POLR2B: variants seen among roughly 807,000 people sequenced by gnomAD.
POLR2B encodes RNA polymerase II subunit B.
Under a neutral mutation model 144.6 loss-of-function variants are expected in POLR2B, and 57 were observed. The ratio of observed to expected loss-of-function variants is 0.39; its 90% CI spans 0.32 to 0.49. The LOEUF (loss-of-function observed/expected upper bound fraction) is 0.49. Ranked by LOEUF, POLR2B falls within the 20% of genes least tolerant of loss-of-function variation. The pLI, the probability that POLR2B is intolerant of heterozygous loss-of-function variation, is 0.83. For missense variants in POLR2B, 595 were observed against 1,467.4 expected, an observed-to-expected ratio of 0.41 and a Z score of 9.71; for synonymous variants, 442 against 469.8, an observed-to-expected ratio of 0.94 and a Z score of 0.77.
At chr4:57,000,832 A>G (rs1217242998) in intron 7 of POLR2B, among the ~76,000 whole-genome samples, 1 of 151,920 alleles carries the variant, frequency 6.6e-6, no homozygotes, top group Non-Finnish European at 1.5e-5. Flanking sequence ...AGTAATTGGG[A>G]CTACAGGCAC....
intron 16 of POLR2B, among the ~76,000 whole-genome samples, chr4:57,019,254 A>T (rs1203607382): frequency 6.6e-6 from 1 of 152,226 alleles, no homozygotes; most frequent in Non-Finnish European, 1.5e-5. Context: ...ATAAATATAC[A>T]GAAGGACTAG....
At chr4:56,994,944 AAAG>A (rs1722633426) in intron 5 of POLR2B, 78 bp downstream of exon 5, 2 of 869,910 alleles carry the variant, frequency 2.3e-6, no homozygotes, top group South Asian at 1.7e-5. Flanking sequence ...AAAAAAAAAA[AAAG>A]AAAGAAAGAT....
chr4:57,014,703 A>G (rs1342158709), intron 13 of POLR2B, among the ~76,000 whole-genome samples: 1 of 146,574 alleles, frequency 6.8e-6, no homozygotes, highest in Non-Finnish European at 1.5e-5. Context: ...ATGGGGTTTC[A>G]CCGTGTTAGC....
intron 7 of POLR2B, among the ~76,000 whole-genome samples, chr4:57,003,170 G>A (rs759135324): frequency 2.6e-5 from 4 of 152,168 alleles, no homozygotes; most frequent in African/African-American, 9.7e-5. Flanking sequence ...GGTGGCTCAC[G>A]CCTGTAATCC....
chr4:57,009,215 T>C lies in POLR2B; in HGVS notation c.1405-1146T>C, dbSNP rs116012308. On this transcript the variant is annotated intron_variant, in intron 10 of 24. Transcript: ENST00000314595. Reference sequence around the variant, plus strand: ...ATGAGTACAGAAAAGAGAATAGTTCTTCCTGGTGGTGTGTCAGATGGCTTT... The same window carrying C: ...ATGAGTACAGAAAAGAGAATAGTTCCTCCTGGTGGTGTGTCAGATGGCTTT... Among the ~76,000 whole-genome samples, 1,191 of 152,330 alleles carry C rather than the reference T, an allele frequency of 7.8e-3. 18 individuals carry two copies. The highest frequency in any genetic ancestry group is 0.027 in the African/African-American group (1,105 of 41,574).
intron 2 of POLR2B, among the ~76,000 whole-genome samples, chr4:56,990,067 C>T (rs991299492): frequency 6.6e-6 from 1 of 152,142 alleles, no homozygotes; most frequent in African/African-American, 2.4e-5. Context: ...CTAAAGTTGG[C>T]ATTCTCATGC....
intron 17 of POLR2B, among the ~76,000 whole-genome samples, 154 bp from the exon 18 acceptor site, chr4:57,021,996 TAG>T (rs1723568462): frequency 6.6e-6 from 1 of 152,258 alleles, no homozygotes; most frequent in South Asian, 2.1e-4. Flanking sequence ...TGATAACATT[TAG>T]AGTTTAACTC....
intron 16 of POLR2B, among the ~76,000 whole-genome samples, 188 bp from the exon 17 acceptor site, chr4:57,020,711 A>T (rs1723515088): frequency 6.6e-6 from 1 of 152,112 alleles, no homozygotes; most frequent in Non-Finnish European, 1.5e-5. Flanking sequence ...CTTGTGGGAG[A>T]TATTTAGCCA....
chr4:57,014,332 T>TTTTC (rs1425363986), intron 13 of POLR2B, among the ~76,000 whole-genome samples: 1 of 150,184 alleles, frequency 6.7e-6, no homozygotes, highest in Non-Finnish European at 1.5e-5. Context: ...GGGCTGGGAT[T>TTTTC]ACAGGCGCAC....
intron 1 of POLR2B, among the ~76,000 whole-genome samples, chr4:56,984,413 A>G (rs1216288437): frequency 6.6e-6 from 1 of 151,802 alleles, no homozygotes; most frequent in Admixed American, 6.6e-5. Flanking sequence ...TATATCTATT[A>G]TGTGTCACAT....
rs1392706177 is a variant in POLR2B at position 57,022,241 on chromosome 4, G to C, written c.2510G>C (p.Cys837Ser). The change falls in exon 18 of 25, where the codon TGC becomes TCC. Residue 837 changes from cysteine (C) to serine (S), a missense_variant. Coordinates refer to ENST00000314595, the MANE Select transcript of POLR2B (RefSeq NM_000938.3). ...EVFEKPTRET[C>S]QGMRHAIYDK... ...TTTGAGAAGCCTACACGTGAAACAT[G>C]CCAGGGTAAGTGACACTAACATTTA... The C allele has an allele frequency of 1.9e-6, 3 of 1,587,284 alleles. No homozygotes were observed. Among genetic ancestry groups the C allele is most frequent in the African/African-American group, 1.3e-5 (1 of 74,280 alleles).
At chr4:57,021,063 T>C in intron 17 of POLR2B, 68 bp downstream of exon 17, 2 of 891,778 alleles carry the variant, frequency 2.2e-6, no homozygotes, top group South Asian at 2.7e-5. Context: ...GCAAAAAAAG[T>C]TCTTAAAATA....
At position 57,017,941 on chromosome 4, in the gene POLR2B, G is replaced by A. The variant is rs1183576483; in HGVS notation, c.2323+213G>A. 1.3e-5 allele frequency among the ~76,000 whole-genome samples: 2 copies of A among 152,200 alleles called. No homozygotes were observed. Among genetic ancestry groups the A allele is most frequent in the Non-Finnish European group, 2.9e-5 (2 of 68,040 alleles). Reference sequence around the variant, plus strand: ...CCTTTGGAAGCACAGACTGATGGAAGCAATTAATTCCTGTTGGAAGTCTAG... The same window carrying A: ...CCTTTGGAAGCACAGACTGATGGAAACAATTAATTCCTGTTGGAAGTCTAG... On this transcript the variant is annotated intron_variant, in intron 16 of 24. Coordinates refer to ENST00000314595, the MANE Select transcript of POLR2B (RefSeq NM_000938.3). The surrounding 1 kb of genome is among the most constrained non-coding windows in gnomAD (Gnocchi z 4.8).
chr4:56,984,122 C>T (rs1013343006), intron 1 of POLR2B, among the ~76,000 whole-genome samples: 3 of 152,038 alleles, frequency 2.0e-5, no homozygotes, highest in Non-Finnish European at 2.9e-5. Flanking sequence ...GCCTCGGCCT[C>T]CTAAAGTGTT....
At chr4:57,003,468 C>T (rs1465133754) in intron 7 of POLR2B, among the ~76,000 whole-genome samples, 3 of 151,928 alleles carry the variant, frequency 2.0e-5, no homozygotes, top group Admixed American at 6.6e-5. Flanking sequence ...TGGTGGCTCA[C>T]GCCTGTAATC....
intron 23 of POLR2B, among the ~76,000 whole-genome samples, chr4:57,025,939 A>AT (rs34153704): frequency 0.076 from 11,424 of 150,466 alleles, 491 homozygotes; most frequent in African/African-American, 0.091. Context: ...TAAAAAAAAA[A>AT]TTTTTTTTTT....
intron 7 of POLR2B, among the ~76,000 whole-genome samples, chr4:57,004,967 G>A (rs910617218): frequency 3.9e-5 from 6 of 152,194 alleles, no homozygotes; most frequent in African/African-American, 1.4e-4. Flanking sequence ...TTACAGGCAT[G>A]AGCCACTGCT....
chr4:57,010,249 G>A (rs1166291300), intron 10 of POLR2B, 112 bp from the exon 11 acceptor site: 1 of 931,276 alleles, frequency 1.1e-6, no homozygotes, highest in African/African-American at 1.7e-5. Context: ...ATAGAGAAAT[G>A]GGGAACAGTT....
At chr4:56,987,888 A>C (rs1377750267) in intron 2 of POLR2B, among the ~76,000 whole-genome samples, 1 of 151,804 alleles carries the variant, frequency 6.6e-6, no homozygotes, top group Non-Finnish European at 1.5e-5. Flanking sequence ...TCTCAAAAAA[A>C]AAAAGATGTT....
Sources: gnomAD v4.1 joint callset for allele counts (sites outside exome capture counted in the v4.1 genomes callset) on GRCh38, gnomAD v4.1.1 for gene constraint, Gnocchi (gnomAD v3.1) non-coding constraint, MANE v1.5 for transcripts, NCBI Gene and HGNC (gene_info 2026-07-23, HGNC 2026-07-21) for gene names.